The following PAPSS2 variants were observed in gnomAD, a reference collection of about 807,000 sequenced individuals.
PAPSS2 encodes the protein bifunctional 3'-phosphoadenosine 5'-phosphosulfate synthase 2.
A neutral mutation model predicts 66.5 loss-of-function variants in PAPSS2; 61 were observed. The ratio of observed to expected loss-of-function variants is 0.92; its 90% CI spans 0.75 to 1.14. The LOEUF (loss-of-function observed/expected upper bound fraction) is 1.14, where lower values mean the gene tolerates loss of function less well. Among genes scored for constraint, PAPSS2 ranks in the 50% most tolerant of loss-of-function variants. The probability of loss-of-function intolerance (pLI) is 0.00; values close to 1 mark genes in which losing one functional copy is unlikely to be tolerated. For missense variants in PAPSS2, 708 were observed against 789.6 expected (o/e 0.90, Z 1.24); for synonymous variants, 289 against 287.5 (o/e 1.01, Z -0.05).
At position 87,741,263 on chromosome 10, in the gene PAPSS2, T is replaced by C. The variant is rs150809990; in HGVS notation, c.1115T>C (p.Val372Ala). ...KMVMESGDWL[V>A]GGDLQVLEKI... ...GTGATGGAAAGTGGGGACTGGCTGG[T>C]TGGTGGAGACCTTCAGGTGCTGGAG... Residue 372 changes from valine (V) to alanine (A), a missense_variant, in exon 10 of 13, where the codon GTT becomes GCT. Transcript: ENST00000456849. The C allele has an allele frequency of 8.2e-5, 132 of 1,613,394 alleles. No individual in the cohort carries two copies. In the African/African-American group the frequency reaches 1.2e-3, roughly 15 times the overall value.
At chr10:87,662,710 T>C (rs1852767780) in intron 1 of PAPSS2, among the ~76,000 whole-genome samples, 1 of 152,188 alleles carries the variant, frequency 6.6e-6, no homozygotes, top group African/African-American at 2.4e-5. Flanking sequence ...CAGACAGTGC[T>C]GTTATGTTCT....
In PAPSS2 at chr10:87,709,077, A is replaced by G. The variant is rs867059859; in HGVS notation, c.28-119A>G. 2.4e-5 allele frequency: 16 copies of G among 658,266 alleles called. No individual in the cohort carries two copies. The Middle Eastern group carries it at 1.0e-3, about 43-fold the overall frequency. The allele number at this position is 658,266 out of a possible 1,614,324, so 40.8% of individuals were successfully genotyped here. Reference sequence around the variant, plus strand: ...GAGTCTCTTTCAAAATATTTTTTATATAAGTTGTTACATGTATCAGTTTCG... The same window carrying G: ...GAGTCTCTTTCAAAATATTTTTTATGTAAGTTGTTACATGTATCAGTTTCG... On this transcript the variant is annotated intron_variant, in intron 1 of 12. Transcript: ENST00000456849.
chr10:87,681,354 A>G (rs1853019010), intron 1 of PAPSS2, among the ~76,000 whole-genome samples: 1 of 152,220 alleles, frequency 6.6e-6, no homozygotes, highest in African/African-American at 2.4e-5. Context: ...ATCAAACAGG[A>G]GGAGTTTTAA....
intron 1 of PAPSS2, among the ~76,000 whole-genome samples, chr10:87,661,878 A>T (rs542518558): frequency 1.6e-4 from 24 of 152,374 alleles, no homozygotes; most frequent in African/African-American, 5.0e-4. Context: ...TAACGCAGTT[A>T]TAACCCAGGC....
In PAPSS2 at chr10:87,685,340, G is replaced by T. The variant is rs142651497; in HGVS notation, c.28-23856G>T. On this transcript the variant is annotated intron_variant, in intron 1 of 12. Coordinates refer to ENST00000456849, the MANE Select transcript of PAPSS2 (RefSeq NM_001015880.2). ...TTAGAATTTTTATTTTCTGTATGGAGTCTTCTCTTTAATGTTTGTAGGAAA... is the reference window on the plus strand; with the variant it reads ...TTAGAATTTTTATTTTCTGTATGGATTCTTCTCTTTAATGTTTGTAGGAAA... Among the ~76,000 whole-genome samples the T allele has an allele frequency of 2.6e-5, 4 of 152,216 alleles. No homozygotes were observed. The East Asian group carries it at 7.7e-4, about 29-fold the overall frequency.
intron 1 of PAPSS2, among the ~76,000 whole-genome samples, chr10:87,703,276 C>CGT (rs10673718): frequency 0.065 from 9,527 of 145,460 alleles, 321 homozygotes; most frequent in Middle Eastern, 0.11. Flanking sequence ...AACAACATTG[C>CGT]GTGTGTGTGT....
intron 1 of PAPSS2, among the ~76,000 whole-genome samples, chr10:87,677,546 C>T (rs139275052): frequency 1.2e-4 from 18 of 152,244 alleles, no homozygotes; most frequent in African/African-American, 4.3e-4. Flanking sequence ...CCAGAGTGGA[C>T]ATGAAAGAGG....
intron 9 of PAPSS2, among the ~76,000 whole-genome samples, chr10:87,734,703 A>ATATATATATATATATG (rs574455849): frequency 1.8e-5 from 2 of 111,722 alleles, no homozygotes; most frequent in African/African-American, 8.7e-5. Flanking sequence ...ATATATATAT[A>ATATATATATATATATG]TATGTATGTA....
chr10:87,693,400 G>C (rs543469667), intron 1 of PAPSS2, among the ~76,000 whole-genome samples: 1 of 152,340 alleles, frequency 6.6e-6, no homozygotes, highest in South Asian at 2.1e-4. Flanking sequence ...AGCAGAGAGT[G>C]AACAACCTTT....
At chr10:87,744,482 A>C (rs1853912003) in intron 11 of PAPSS2, among the ~76,000 whole-genome samples, 1 of 152,184 alleles carries the variant, frequency 6.6e-6, no homozygotes, top group Non-Finnish European at 1.5e-5. Context: ...AATTCTCTTC[A>C]ATCAGATAAA....
At chr10:87,670,133 T>C (rs1379606122) in intron 1 of PAPSS2, among the ~76,000 whole-genome samples, 1 of 152,248 alleles carries the variant, frequency 6.6e-6, no homozygotes, top group Non-Finnish European at 1.5e-5. Flanking sequence ...AAAATAAATT[T>C]TATTTGTTCT....
At chr10:87,683,876 T>C (rs904399514) in intron 1 of PAPSS2, among the ~76,000 whole-genome samples, 4 of 151,982 alleles carry the variant, frequency 2.6e-5, no homozygotes, top group African/African-American at 4.8e-5. Flanking sequence ...AAAATTTTTG[T>C]GGAGATGGGG....
intron 7 of PAPSS2, 75 bp downstream of exon 7, chr10:87,715,918 A>G: frequency 1.1e-6 from 1 of 942,956 alleles, no homozygotes; most frequent in Non-Finnish European, 1.7e-6. Flanking sequence ...TTTTGCAGGA[A>G]CAGGAAGTTA....
Position 87,745,024 on chromosome 10 carries a change from G to A in PAPSS2, c.1514G>A (p.Arg505Gln), listed in dbSNP as rs200426784. 2.1e-5 allele frequency: 34 copies of A among 1,613,944 alleles called. No homozygotes were observed. The highest frequency in any genetic ancestry group is 4.5e-5 in the East Asian group (2 of 44,868). The change falls in exon 12 of 13, where the codon CGG becomes CAG. Residue 505 changes from arginine to glutamine, a missense_variant. Coordinates refer to ENST00000456849, the MANE Select transcript of PAPSS2 (RefSeq NM_001015880.2). ...PTEVQWHCRS[R>Q]MIAGANFYIV... ...TAGGTCCAGTGGCACTGCAGGTCCC[G>A]GATGATTGCGGGTGCCAATTTCTAC...
chr10:87,670,162 G>GTAA (rs1424831594), intron 1 of PAPSS2, among the ~76,000 whole-genome samples: 1 of 152,218 alleles, frequency 6.6e-6, no homozygotes, highest in African/African-American at 2.4e-5. Context: ...ACCTGTATGG[G>GTAA]TAATAGTTTT....
rs1250126981 is a variant in PAPSS2 at position 87,745,227 on chromosome 10, G to T, written c.1717G>T (p.Ala573Ser). The change falls in exon 12 of 13, where the codon GCA (alanine) becomes TCA (serine). Residue 573 changes from alanine (A) to serine (S), a missense_variant. Coordinates refer to ENST00000456849, the MANE Select transcript of PAPSS2 (RefSeq NM_001015880.2). ...AAAAGCCATGGACTTCTATGATCCA[G>T]CAAGGTAGGTTTTCAGAGGAAAATT... is the stretch of plus-strand genomic sequence containing the variant. ...AKKAMDFYDP[A>S]RHNEFDFISG... is the part of the protein sequence containing the mutation. 1 of 1,608,878 alleles carries T rather than the reference G, an allele frequency of 6.2e-7. No homozygotes were observed. The highest frequency in any genetic ancestry group is 1.1e-5 in the South Asian group (1 of 90,368).
intron 1 of PAPSS2, among the ~76,000 whole-genome samples, chr10:87,667,189 C>T (rs904931996): frequency 6.6e-6 from 1 of 152,180 alleles, no homozygotes; most frequent in Non-Finnish European, 1.5e-5. Flanking sequence ...TGTGGTGGCT[C>T]ATGCCTGTAA....
At chr10:87,740,126 G>A (rs868115307) in intron 9 of PAPSS2, among the ~76,000 whole-genome samples, 3 of 152,060 alleles carry the variant, frequency 2.0e-5, no homozygotes, top group Middle Eastern at 3.2e-3. Flanking sequence ...ATGGACAAAG[G>A]GAACCTGATA....
rs779737121 is a variant in PAPSS2 at position 87,741,244 on chromosome 10, G to C, written c.1096G>C (p.Glu366Gln). 1 of 1,613,842 alleles carries C rather than the reference G, an allele frequency of 6.2e-7. No homozygotes were observed. The highest frequency in any genetic ancestry group is 2.2e-5 in the East Asian group (1 of 44,870). ...ACAATGTTCTTTCTAGATGGTGATG[G>C]AAAGTGGGGACTGGCTGGTTGGTGG... ...TKHPHIKMVM[E>Q]SGDWLVGGDL... Residue 366 changes from glutamate (E) to glutamine (Q), a missense_variant, in exon 10 of 13, where the codon GAA becomes CAA. Physicochemically the swap from Glu to Gln is conservative, Grantham distance 29. Coordinates refer to ENST00000456849, the MANE Select transcript of PAPSS2 (RefSeq NM_001015880.2).
Sources: gnomAD v4.1 joint callset for allele counts (sites outside exome capture counted in the v4.1 genomes callset) on GRCh38, gnomAD v4.1.1 for gene constraint, MANE v1.5 for transcripts, NCBI Gene and HGNC (gene_info 2026-07-23, HGNC 2026-07-21) for gene names.